YEATS4: variants seen among roughly 807,000 people sequenced by gnomAD.
YEATS4 encodes the protein YEATS domain containing 4, also known as YEATS domain-containing protein 4.
In YEATS4, 17 loss-of-function variants were observed where a neutral mutation model predicts 30.1. The observed-to-expected ratio is 0.56, with a 90% confidence interval of 0.39 to 0.85. The LOEUF (loss-of-function observed/expected upper bound fraction) is 0.85. Among genes scored for constraint, YEATS4 ranks in the 40% least tolerant of loss-of-function variants. YEATS4 has a pLI of 0.00. For synonymous variants in YEATS4, 85 were observed against 87.5 expected (o/e 0.97, Z 0.16); for missense variants, 142 against 268.3 (o/e 0.53, Z 3.29).
At chr12:69,387,464 T>A (rs1424558723) in intron 6 of YEATS4, among the ~76,000 whole-genome samples, 1 of 152,194 alleles carries the variant, frequency 6.6e-6, no homozygotes, top group Non-Finnish European at 1.5e-5. Flanking sequence ...ACAAATATAC[T>A]AAAATGATTA....
chr12:69,407,836 C>A, the YEATS4 span, among the ~76,000 whole-genome samples: 1 of 150,940 alleles, frequency 6.6e-6, no homozygotes. Flanking sequence ...CCTGCCTCAG[C>A]CCCCTGAGTA....
chr12:69,394,740 T>C (rs180955404), downstream of YEATS4, among the ~76,000 whole-genome samples: 241 of 152,226 alleles, frequency 1.6e-3, 2 homozygotes, highest in African/African-American at 5.6e-3. Context: ...CCTCAAACTA[T>C]AGGCCTTCAC....
At chr12:69,412,615 T>C in the YEATS4 span, among the ~76,000 whole-genome samples, 1 of 152,146 alleles carries the variant, frequency 6.6e-6, no homozygotes, top group Non-Finnish European at 1.5e-5. Flanking sequence ...ATCGCGCCAC[T>C]GCACTCCAGC....
At chr12:69,394,887 T>G (rs1299983428), downstream of YEATS4, among the ~76,000 whole-genome samples, 2 of 152,186 alleles carry the variant, frequency 1.3e-5, no homozygotes, top group South Asian at 4.1e-4. Context: ...TAGCTTGAGA[T>G]AGAGTATCAT....
the YEATS4 span, among the ~76,000 whole-genome samples, chr12:69,424,820 C>T: frequency 6.6e-6 from 1 of 152,166 alleles, no homozygotes; most frequent in Non-Finnish European, 1.5e-5. Context: ...TTAATTAAAC[C>T]TCTTTCCTTT....
chr12:69,375,552 G>A lies in YEATS4; in HGVS notation c.514+4577G>A, dbSNP rs533037794. ...GGCACTTTGGGAGGCCAAGGCAGGC[G>A]GCTGGGAGATGGAGGTTGTAGCGAG... is the stretch of plus-strand genomic sequence containing the variant. On this transcript the variant is annotated intron_variant, in intron 6 of 6. Transcript: ENST00000247843. Among the ~76,000 whole-genome samples, 10 of 152,314 alleles carry A rather than the reference G, an allele frequency of 6.6e-5. No individual in the cohort carries two copies. In the East Asian group the frequency reaches 1.4e-3, roughly 21 times the overall value.
chr12:69,410,105 A>G, the YEATS4 span, among the ~76,000 whole-genome samples: 362 of 152,362 alleles, frequency 2.4e-3, 3 homozygotes, highest in Non-Finnish European at 3.4e-3. Flanking sequence ...CTAGCAAACT[A>G]ACACACAAAC....
the YEATS4 span, among the ~76,000 whole-genome samples, chr12:69,396,579 A>G: frequency 0.061 from 9,328 of 152,276 alleles, 434 homozygotes; most frequent in African/African-American, 0.13. Context: ...TCTCATGATT[A>G]ATGAGTTAAA....
chr12:69,369,550 G>A (rs1223159794), intron 4 of YEATS4, among the ~76,000 whole-genome samples: 5 of 152,166 alleles, frequency 3.3e-5, no homozygotes. Context: ...TGAGCTTGGA[G>A]CACTGTAGGG....
chr12:69,371,290 CTT>C (rs1348033509), intron 6 of YEATS4, among the ~76,000 whole-genome samples: 10 of 152,166 alleles, frequency 6.6e-5, no homozygotes, highest in Admixed American at 6.5e-4. Context: ...GTTTACTAGT[CTT>C]TGCTAACAAA....
At chr12:69,385,110 C>T (rs78164435) in intron 6 of YEATS4, among the ~76,000 whole-genome samples, 3,464 of 152,138 alleles carry the variant, frequency 0.023, 138 homozygotes, top group African/African-American at 0.077. Context: ...CTTGGGGGCT[C>T]ACATGATCCT....
intron 6 of YEATS4, among the ~76,000 whole-genome samples, chr12:69,374,082 G>A (rs1047829163): frequency 2.6e-5 from 4 of 151,688 alleles, no homozygotes; most frequent in Admixed American, 2.0e-4. Flanking sequence ...TTCTTTTTGC[G>A]GAGGATAACT....
intron 6 of YEATS4, among the ~76,000 whole-genome samples, chr12:69,377,701 C>G (rs944411010): frequency 1.3e-5 from 2 of 151,910 alleles, no homozygotes; most frequent in African/African-American, 4.8e-5. Flanking sequence ...AGAGAAGATA[C>G]TTCACATTAC....
At chr12:69,374,528 C>T (rs1305781829) in intron 6 of YEATS4, among the ~76,000 whole-genome samples, 2 of 152,012 alleles carry the variant, frequency 1.3e-5, no homozygotes, top group Non-Finnish European at 2.9e-5. Context: ...ACAAAGGTCT[C>T]TGGTTTTCCT....
At chr12:69,372,506 G>A (rs940465390) in intron 6 of YEATS4, among the ~76,000 whole-genome samples, 16 of 145,920 alleles carry the variant, frequency 1.1e-4, no homozygotes, top group East Asian at 8.0e-4. Context: ...TCTGGTAACC[G>A]TCATTCTACT....
chr12:69,419,778 A>G, the YEATS4 span, among the ~76,000 whole-genome samples: 1 of 152,220 alleles, frequency 6.6e-6, no homozygotes, highest in Non-Finnish European at 1.5e-5. Flanking sequence ...CATAAATACA[A>G]TGCAAGAATG....
rs71094710 is a variant in YEATS4, at chr12:69,372,537, GT to G, written c.514+1577del. 7.5e-3 allele frequency among the ~76,000 whole-genome samples: 925 copies of G among 122,998 alleles called. 26 individuals carry two copies. Among genetic ancestry groups the G allele is most frequent in the African/African-American group, 0.027 (861 of 31,878 alleles). The allele number at this position is 122,998 out of a possible 152,430, so 80.7% of individuals were successfully genotyped here. Reference sequence around the variant, plus strand: ...CTACTCTGTTTTCTGTATCTCATGAGTTTTTTTTTTTTTTTGAGACAGAGCC... The same window carrying G: ...CTACTCTGTTTTCTGTATCTCATGAGTTTTTTTTTTTTTTGAGACAGAGCC... On this transcript the variant is annotated intron_variant, in intron 6 of 6. Transcript: ENST00000247843.
the YEATS4 span, among the ~76,000 whole-genome samples, chr12:69,411,084 A>G: frequency 6.6e-6 from 1 of 152,186 alleles, no homozygotes; most frequent in Admixed American, 6.5e-5. Flanking sequence ...CATTTATTTA[A>G]CAATATATAT....
In YEATS4 at chr12:69,360,765, C is replaced by T. The variant is rs550041734; in HGVS notation, c.51+742C>T. 4.0e-5 allele frequency among the ~76,000 whole-genome samples: 6 copies of T among 150,832 alleles called. No individual in the cohort carries two copies. In the East Asian group the frequency reaches 1.2e-3, roughly 30 times the overall value. ...ACTGCAACCTCGGCCTCCCAAAGTG[C>T]TGGGATTACAGGCGTGAGCCACCGC... is the stretch of plus-strand genomic sequence containing the variant. On this transcript the variant is annotated intron_variant, in intron 1 of 6. Transcript: ENST00000247843.
Sources: allele counts gnomAD v4.1 joint callset (sites outside exome capture counted in the v4.1 genomes callset), GRCh38; gene constraint gnomAD v4.1.1; transcripts MANE v1.5; gene names NCBI Gene and HGNC (gene_info 2026-07-23, HGNC 2026-07-21).